The following SLC7A5 variants were observed in gnomAD, a reference collection of about 807,000 sequenced individuals.
SLC7A5 encodes the protein large neutral amino acids transporter small subunit 1.
A neutral mutation model predicts 50.2 loss-of-function variants in SLC7A5; 23 were observed. The observed-to-expected ratio is 0.46, with a 90% CI of 0.33 to 0.65. SLC7A5 has a LOEUF of 0.65. Among genes scored for constraint, SLC7A5 ranks in the 30% least tolerant of loss-of-function variants. The pLI is 0.02. For missense variants in SLC7A5, 578 were observed against 684.4 expected, an observed-to-expected ratio of 0.84 and a Z score of 1.73; for synonymous variants, 393 against 330.6, an observed-to-expected ratio of 1.19 and a Z score of -2.05.
Position 87,832,391 on chromosome 16 carries a change from C to T in SLC7A5, c.*579G>A, listed in dbSNP as rs75898183. On this transcript the variant is annotated 3_prime_UTR_variant, in exon 10 of 10. Coordinates refer to ENST00000261622, the MANE Select transcript of SLC7A5 (RefSeq NM_003486.7). The surrounding 1 kb of genome is among the most constrained non-coding windows in gnomAD (Gnocchi z 4.6). ...GAATCACCCACCTTGCCCAGATCCC[C>T]CACCCCCTCCCAGTGCCACCCTACG... 5,335 of 152,402 alleles carry T rather than the reference C, an allele frequency of 0.035. 116 individuals are homozygous for T. Among genetic ancestry groups the T allele is most frequent in the Admixed American group, 0.057 (874 of 15,306 alleles). The allele number at this position is 152,402 out of a possible 1,614,324, so 9.4% of individuals were successfully genotyped here.
Position 87,838,553 on chromosome 16 carries a change from A to G in SLC7A5, c.1043+161T>C, listed in dbSNP as rs572523055. 4.6e-5 allele frequency among the ~76,000 whole-genome samples: 7 copies of G among 152,278 alleles called. No homozygotes were observed. The South Asian group carries it at 8.3e-4, about 18-fold the overall frequency. On this transcript the variant is annotated intron_variant, in intron 6 of 9. Transcript: ENST00000261622. ...AGCGATCTGCTCACCTCGGCCTCCT[A>G]AAGTGCTGGGATTACAGGTATGAGC...
chr16:87,834,673 G>A (rs2054975626), intron 8 of SLC7A5, 82 bp from the exon 9 acceptor site: 1 of 1,439,188 alleles, frequency 6.9e-7, no homozygotes, highest in Non-Finnish European at 9.5e-7. Flanking sequence ...CAGCCCTCCT[G>A]GGCCCTCCAC....
chr16:87,855,968 C>T (rs866509367), intron 1 of SLC7A5, among the ~76,000 whole-genome samples: 3 of 152,182 alleles, frequency 2.0e-5, no homozygotes, highest in Admixed American at 6.5e-5. Flanking sequence ...CCGGTCCTCA[C>T]CTGCCCCCGA....
At chr16:87,836,746 G>A in intron 7 of SLC7A5, 99 bp from the exon 8 acceptor site, 1 of 1,295,480 alleles carries the variant, frequency 7.7e-7, no homozygotes, top group South Asian at 1.2e-5. Context: ...GCTGGGCCCA[G>A]CTGAGCACCA....
At chr16:87,856,049 C>T (rs1288580511) in intron 1 of SLC7A5, among the ~76,000 whole-genome samples, 1 of 152,182 alleles carries the variant, frequency 6.6e-6, no homozygotes, top group African/African-American at 2.4e-5. Context: ...ACCCAGTGAA[C>T]ATGATCCTCC....
At chr16:87,863,296 G>A (rs547718467) in intron 1 of SLC7A5, among the ~76,000 whole-genome samples, 6 of 152,230 alleles carry the variant, frequency 3.9e-5, no homozygotes, top group East Asian at 3.9e-4. Flanking sequence ...CTGAGAACTC[G>A]CCTGGATCAG....
intron 6 of SLC7A5, among the ~76,000 whole-genome samples, chr16:87,838,418 A>G (rs1051245178): frequency 4.0e-5 from 6 of 151,486 alleles, no homozygotes; most frequent in African/African-American, 1.5e-4. Flanking sequence ...CAGCCCCCCA[A>G]GTAGCTGGGA....
At chr16:87,858,592 A>C (rs986372830) in intron 1 of SLC7A5, among the ~76,000 whole-genome samples, 5 of 152,180 alleles carry the variant, frequency 3.3e-5, no homozygotes, top group African/African-American at 9.7e-5. Flanking sequence ...AGGTTGTCCC[A>C]CTTGGTGAAA....
rs367794148 is a variant in SLC7A5 at position 87,841,145 on chromosome 16, G to A, written c.675C>T (p.Ser225=). The change falls in exon 3 of 10, where the codon TCC becomes TCT. Residue 225 remains serine, a synonymous_variant. Coordinates refer to ENST00000261622, the MANE Select transcript of SLC7A5 (RefSeq NM_003486.7). This position sits in a 1 kb window ranked among gnomAD's most constrained non-coding sequence, Gnocchi z 4.8. ...CAAATGAGAAGTTGGGATCTAGATT[G>A]GACACATCACCTGGCAGGGCCAAAG... is the stretch of plus-strand genomic sequence containing the variant. ...GFVQIGKGDV[S]NLDPNFSFEG... 7 of 1,610,642 alleles carry A rather than the reference G, an allele frequency of 4.3e-6. No individual in the cohort carries two copies. The African/African-American group carries it at 9.4e-5, about 22-fold the overall frequency.
At position 87,862,662 on chromosome 16, in the gene SLC7A5, G is replaced by A. The variant is rs1409792503; in HGVS notation, c.538+6223C>T. Among the ~76,000 whole-genome samples the A allele has an allele frequency of 1.3e-5, 2 of 152,250 alleles. No individual in the cohort carries two copies. The highest frequency in any genetic ancestry group is 2.1e-4 in the South Asian group (1 of 4,836). ...CAGTGAGCAGGAGATACAGGCACGTGGAGGGACGGTCACAGCCCGTGCAAC... is the reference window on the plus strand; with the variant it reads ...CAGTGAGCAGGAGATACAGGCACGTAGAGGGACGGTCACAGCCCGTGCAAC... On this transcript the variant is annotated intron_variant, in intron 1 of 9. Transcript: ENST00000261622. This position sits in a 1 kb window ranked among gnomAD's most constrained non-coding sequence, Gnocchi z 5.3.
chr16:87,868,850 G>C, intron 1 of SLC7A5, 35 bp downstream of exon 1: 1 of 1,568,278 alleles, frequency 6.4e-7, no homozygotes, highest in Non-Finnish European at 8.6e-7. Flanking sequence ...CAGAGACTAC[G>C]ACCTCCCAAC....
rs1060250 is a variant in SLC7A5, at chr16:87,841,130, G to C, written c.690C>G (p.Asn230Lys). ...GKGDVSNLDP[N>K]FSFEGTKLDV... Reference sequence around the variant, plus strand: ...CCAGTTTGGTGCCTTCAAATGAGAAGTTGGGATCTAGATTGGACACATCAC... The same window carrying C: ...CCAGTTTGGTGCCTTCAAATGAGAACTTGGGATCTAGATTGGACACATCAC... The change falls in exon 3 of 10, where the codon AAC (asparagine) becomes AAG (lysine). Residue 230 changes from asparagine to lysine, a missense_variant. Asn to Lys is a moderately conservative substitution (Grantham distance 94). Around this residue, in one of 2 missense-constraint regions of SLC7A5, gnomAD observed 465 missense variants for 594.6 expected, o/e 0.78. Coordinates refer to ENST00000261622, the MANE Select transcript of SLC7A5 (RefSeq NM_003486.7). The surrounding 1 kb of genome is among the most constrained non-coding windows in gnomAD (Gnocchi z 4.8). 2.7e-3 allele frequency: 4,298 copies of C among 1,613,624 alleles called. 102 individuals carry two copies. The African/African-American group carries it at 0.052, about 19-fold the overall frequency.
rs1008247903 is a variant in SLC7A5, at chr16:87,852,802, G to C, written c.539-953C>G. Among the ~76,000 whole-genome samples, 7 of 151,928 alleles carry C rather than the reference G, an allele frequency of 4.6e-5. No homozygotes were observed. Among genetic ancestry groups the C allele is most frequent in the African/African-American group, 1.7e-4 (7 of 41,318 alleles). ...TGCGCACGCTGAGCCACTATTCAGG[G>C]ATCTGTGAGCTGGTGGGGAAACAGC... On this transcript the variant is annotated intron_variant, in intron 1 of 9. Coordinates refer to ENST00000261622, the MANE Select transcript of SLC7A5 (RefSeq NM_003486.7). The surrounding 1 kb of genome is among the most constrained non-coding windows in gnomAD (Gnocchi z 4.5).
chr16:87,869,200 C>T lies in SLC7A5; in HGVS notation c.223G>A (p.Val75Met). 1.2e-6 allele frequency: 2 copies of T among 1,612,524 alleles called. No homozygotes were observed. Among genetic ancestry groups the T allele is most frequent in the Non-Finnish European group, 1.7e-6 (2 of 1,179,822 alleles). Residue 75 changes from valine (V) to methionine (M), a missense_variant, in exon 1 of 10, where the codon GTG becomes ATG. Val to Met is a conservative substitution (Grantham distance 21). Coordinates refer to ENST00000261622, the MANE Select transcript of SLC7A5 (RefSeq NM_003486.7). ...GSGIFVTPTG[V>M]LKEAGSPGLA... is the part of the protein sequence containing the mutation. ...CCCGGCGAGCCTGCCTCCTTGAGCA[C>T]GCCCGTGGGCGTCACGAAGATGCCC...
chr16:87,838,703 G>T lies in SLC7A5; in HGVS notation c.1043+11C>A. On this transcript the variant is annotated intron_variant, in intron 6 of 9. Transcript: ENST00000261622. ...GCCTCCCTCACCTGTGGTGGGTCGG[G>T]CTGTGCTCACCTGGAGGATGTGAAC... 1 of 1,604,214 alleles carries T rather than the reference G, an allele frequency of 6.2e-7. No individual in the cohort carries two copies. The highest frequency in any genetic ancestry group is 1.7e-5 in the Admixed American group (1 of 60,022).
intron 1 of SLC7A5, among the ~76,000 whole-genome samples, chr16:87,855,455 G>A (rs1188674270): frequency 2.0e-5 from 3 of 152,050 alleles, no homozygotes; most frequent in Admixed American, 6.6e-5. Flanking sequence ...AATCACACAC[G>A]TGCACACACA....
rs775186328 is a variant in SLC7A5 at position 87,862,701 on chromosome 16, C to T, written c.538+6184G>A. Among the ~76,000 whole-genome samples, 16 of 152,368 alleles carry T rather than the reference C, an allele frequency of 1.1e-4. No homozygotes were observed. Among genetic ancestry groups the T allele is most frequent in the African/African-American group, 3.4e-4 (14 of 41,584 alleles). On this transcript the variant is annotated intron_variant, in intron 1 of 9. Transcript: ENST00000261622. This position sits in a 1 kb window ranked among gnomAD's most constrained non-coding sequence, Gnocchi z 5.3. ...AGCCCGTGCAACTGGCACCTTCACA[C>T]GCAGAGGCCTGGGATTCCCAGACAC...
intron 1 of SLC7A5, among the ~76,000 whole-genome samples, chr16:87,867,521 G>A (rs1046085000): frequency 3.3e-5 from 5 of 152,052 alleles, no homozygotes; most frequent in Non-Finnish European, 7.4e-5. Context: ...TCTTGCCCTC[G>A]GGGCATTCTC....
At chr16:87,858,993 G>A (rs528924847) in intron 1 of SLC7A5, among the ~76,000 whole-genome samples, 11 of 152,300 alleles carry the variant, frequency 7.2e-5, no homozygotes, top group East Asian at 5.8e-4. Flanking sequence ...GGCTTGCACC[G>A]GCCCAGATGC....
Sources: gnomAD v4.1 joint callset for allele counts (sites outside exome capture counted in the v4.1 genomes callset) on GRCh38, gnomAD v4.1.1 for gene constraint, gnomAD v4.1.1 regional missense constraint, Gnocchi (gnomAD v3.1) non-coding constraint, MANE v1.5 for transcripts, NCBI Gene and HGNC (gene_info 2026-07-23, HGNC 2026-07-21) for gene names.